PAPPA: variants seen among roughly 807,000 people sequenced by gnomAD.
The protein encoded by PAPPA is pappalysin 1.
PAPPA carries 60 observed loss-of-function variants against 164.0 expected under a neutral mutation model. That is an observed-to-expected ratio of 0.37 (90% confidence interval 0.30 to 0.45). The LOEUF (loss-of-function observed/expected upper bound fraction) is 0.45, where lower values mean the gene tolerates loss of function less well. Ranked by LOEUF, PAPPA falls within the 20% of genes least tolerant of loss-of-function variation. The pLI is 1.00. For synonymous variants in PAPPA, 875 were observed against 814.1 expected (o/e 1.07, Z -1.27); for missense variants, 1,782 against 2,087.3 (o/e 0.85, Z 2.85).
intron 17 of PAPPA, among the ~76,000 whole-genome samples, chr9:116,362,256 T>TA (rs111886942): frequency 9.4e-4 from 140 of 149,640 alleles, no homozygotes; most frequent in African/African-American, 1.9e-3. Flanking sequence ...CCTCTCAATT[T>TA]AAAAAAAAAA....
In PAPPA at chr9:116,271,242, A is replaced by G; in HGVS notation, c.2862-83A>G. ...TTGTGCAAGGTCTCACTGAAGGTTC[A>G]TGGCCCAGGGAGGGACTTTTCCATG... On this transcript the variant is annotated intron_variant, in intron 8 of 21. Transcript: ENST00000328252. The surrounding 1 kb of genome is among the most constrained non-coding windows in gnomAD (Gnocchi z 4.2). 1.1e-6 allele frequency: 1 copy of G among 871,596 alleles called. No homozygotes were observed. Among genetic ancestry groups the G allele is most frequent in the Non-Finnish European group, 1.9e-6 (1 of 514,304 alleles). 54.0% of individuals were successfully genotyped at this position (871,596 alleles called of 1,614,324 possible). A position where few individuals can be genotyped will look rare whatever the true frequency, so the allele number is the denominator to read the frequency against.
chr9:116,260,638 G>T lies in PAPPA; in HGVS notation c.2733-5219G>T, dbSNP rs1456912476. 2.0e-5 allele frequency among the ~76,000 whole-genome samples: 3 copies of T among 152,018 alleles called. No homozygotes were observed. The East Asian group carries it at 5.8e-4, about 29-fold the overall frequency. ...AATGCTGAAGCAGTTTCTAGCCTAT[G>T]GAAAAGCTCAAGACATAAGGATACA... is the stretch of plus-strand genomic sequence containing the variant. On this transcript the variant is annotated intron_variant, in intron 7 of 21. Coordinates refer to ENST00000328252, the MANE Select transcript of PAPPA (RefSeq NM_002581.5).
chr9:116,220,051 C>T lies in PAPPA; in HGVS notation c.2033C>T (p.Ala678Val). ...AGGAAACCAGCGCCTGTTGCCCTCG[C>T]CCCCCAAGTTCTGGGCCACACAACG... The part of the protein sequence containing the change: ...PSRKPAPVAL[A>V]PQVLGHTTDS... Residue 678 changes from alanine (A) to valine (V), a missense_variant, in exon 5 of 22, where the codon GCC becomes GTC. Ala to Val is a moderately conservative substitution (Grantham distance 64). Transcript: ENST00000328252. 1.2e-6 allele frequency: 2 copies of T among 1,614,026 alleles called. No homozygotes were observed. Among genetic ancestry groups the T allele is most frequent in the Non-Finnish European group, 1.7e-6 (2 of 1,179,964 alleles).
rs1847058056 is a variant in PAPPA, at chr9:116,401,674, C to T, written c.*5058C>T. ...AAATGTATTCATATTACAAACTGCT[C>T]TTCCATATTTATGTACCATATTATA... is the stretch of plus-strand genomic sequence containing the variant. On this transcript the variant is annotated 3_prime_UTR_variant, in exon 22 of 22. Transcript: ENST00000328252. 6.6e-6 allele frequency: 1 copy of T among 151,338 alleles called. No homozygotes were observed. Among genetic ancestry groups the T allele is most frequent in the Non-Finnish European group, 1.5e-5 (1 of 67,796 alleles). The allele number at this position is 151,338 out of a possible 1,614,324, so 9.4% of individuals were successfully genotyped here.
rs111796536 is a variant in PAPPA at position 116,364,316 on chromosome 9, G to A, written c.4495+1577G>A. On this transcript the variant is annotated intron_variant, in intron 18 of 21. Transcript: ENST00000328252. ...AAAAAGCCTAATTAAGTGACCTTTA[G>A]GGAAAACCTACAGAAACAAATTTGC... is the stretch of plus-strand genomic sequence containing the variant. Among the ~76,000 whole-genome samples, 331 of 152,294 alleles carry A rather than the reference G, an allele frequency of 2.2e-3. 2 individuals are homozygous for A. The highest frequency in any genetic ancestry group is 7.2e-3 in the African/African-American group (299 of 41,554).
intron 20 of PAPPA, among the ~76,000 whole-genome samples, chr9:116,381,511 T>C (rs144268737): frequency 3.8e-4 from 58 of 152,368 alleles, no homozygotes; most frequent in African/African-American, 1.4e-3. Flanking sequence ...AAGAGACTCC[T>C]GGACTTTCCC....
chr9:116,349,832 G>A (rs990545808), intron 15 of PAPPA, among the ~76,000 whole-genome samples: 8 of 152,170 alleles, frequency 5.3e-5, no homozygotes, highest in Non-Finnish European at 8.8e-5. Context: ...ATGAAGAGAC[G>A]TTACCCTCTA....
intron 1 of PAPPA, among the ~76,000 whole-genome samples, chr9:116,178,450 C>A (rs1280116034): frequency 7.9e-5 from 12 of 152,196 alleles, no homozygotes; most frequent in Non-Finnish European, 2.9e-5. Flanking sequence ...AAAAGTGTAG[C>A]TACAACAATC....
chr9:116,280,171 G>T (rs139575346), intron 9 of PAPPA, among the ~76,000 whole-genome samples: 80 of 152,254 alleles, frequency 5.3e-4, no homozygotes, highest in African/African-American at 1.9e-3. Flanking sequence ...CATATTTTTT[G>T]ATGCCTGCTG....
At chr9:116,171,639 C>T (rs1843776975) in intron 1 of PAPPA, among the ~76,000 whole-genome samples, 2 of 152,202 alleles carry the variant, frequency 1.3e-5, no homozygotes, top group Non-Finnish European at 1.5e-5. Context: ...TCCCTGTGAA[C>T]AGTGGGTATC....
chr9:116,338,663 A>T (rs1846095398), intron 13 of PAPPA, among the ~76,000 whole-genome samples: 2 of 152,192 alleles, frequency 1.3e-5, no homozygotes, highest in African/African-American at 4.8e-5. Context: ...CAGCACATTG[A>T]TTGGGAATCA....
intron 13 of PAPPA, among the ~76,000 whole-genome samples, chr9:116,337,391 T>C (rs1036316840): frequency 6.6e-6 from 1 of 151,846 alleles, no homozygotes; most frequent in Admixed American, 6.6e-5. Flanking sequence ...TCTGCAAACA[T>C]GCAAATGCAT....
chr9:116,308,326 G>C (rs1449126180), intron 10 of PAPPA, among the ~76,000 whole-genome samples: 3 of 152,246 alleles, frequency 2.0e-5, no homozygotes, highest in African/African-American at 4.8e-5. Flanking sequence ...GTAGTGATGA[G>C]AGCCAGTGTG....
intron 10 of PAPPA, among the ~76,000 whole-genome samples, chr9:116,327,156 C>T (rs905365241): frequency 1.3e-5 from 2 of 152,122 alleles, no homozygotes; most frequent in African/African-American, 2.4e-5. Flanking sequence ...CTAGAGCACT[C>T]TTGATGTGTT....
intron 15 of PAPPA, 42 bp from the exon 16 acceptor site, chr9:116,352,664 A>T (rs778368688): frequency 6.6e-7 from 1 of 1,507,768 alleles, no homozygotes; most frequent in East Asian, 2.3e-5. Flanking sequence ...TGGCTATCAG[A>T]GACTCCTCCC....
At chr9:116,303,006 C>A in intron 10 of PAPPA, 56 bp downstream of exon 10, 1 of 1,461,364 alleles carries the variant, frequency 6.8e-7, no homozygotes, top group East Asian at 2.3e-5. Context: ...CTCCGCTATG[C>A]CCCACAAGGC....
At chr9:116,210,694 C>T (rs1844295669) in intron 3 of PAPPA, among the ~76,000 whole-genome samples, 1 of 152,176 alleles carries the variant, frequency 6.6e-6, no homozygotes, top group African/African-American at 2.4e-5. Context: ...TCTCAATCTT[C>T]TGAGGCATGT....
chr9:116,251,287 G>A (rs1346086665), intron 7 of PAPPA, among the ~76,000 whole-genome samples: 1 of 152,174 alleles, frequency 6.6e-6, no homozygotes, highest in Admixed American at 6.5e-5. Context: ...GAGGGGAAAT[G>A]TAGTTTGCTA....
At chr9:116,253,460 T>G (rs192114435) in intron 7 of PAPPA, among the ~76,000 whole-genome samples, 13 of 152,254 alleles carry the variant, frequency 8.5e-5, no homozygotes, top group Admixed American at 5.9e-4. Flanking sequence ...ACAGTAGCCA[T>G]TTTTTTCTGA....
Sources: allele counts gnomAD v4.1 joint callset (sites outside exome capture counted in the v4.1 genomes callset), GRCh38; gene constraint gnomAD v4.1.1; non-coding constraint Gnocchi (gnomAD v3.1); transcripts MANE v1.5; gene names NCBI Gene and HGNC (gene_info 2026-07-23, HGNC 2026-07-21).